SNAP91: variants seen among roughly 807,000 people sequenced by gnomAD.
SNAP91 encodes synaptosome associated protein 91.
SNAP91 carries 27 observed loss-of-function variants against 100.3 expected under a neutral mutation model. The ratio of observed to expected loss-of-function variants is 0.27; its 90% CI spans 0.20 to 0.37. The LOEUF (loss-of-function observed/expected upper bound fraction) is 0.37. Ranked by LOEUF, SNAP91 falls within the 10% of genes least tolerant of loss-of-function variation. SNAP91 has a pLI of 1.00. For missense variants in SNAP91, 986 were observed against 1,123.7 expected, an observed-to-expected ratio of 0.88 and a Z score of 1.75; for synonymous variants, 404 against 398.6, an observed-to-expected ratio of 1.01 and a Z score of -0.16.
intron 26 of SNAP91, among the ~76,000 whole-genome samples, chr6:83,563,727 C>A (rs1343474271): frequency 1.3e-5 from 2 of 151,958 alleles, no homozygotes; most frequent in African/African-American, 4.8e-5. Flanking sequence ...AATGAATAAT[C>A]GAAAAATTTA....
intron 22 of SNAP91, among the ~76,000 whole-genome samples, chr6:83,588,861 G>T (rs892207620): frequency 6.6e-6 from 1 of 152,102 alleles, no homozygotes; most frequent in Admixed American, 6.5e-5. Context: ...TAGACAATGT[G>T]GCTGTGTAGC....
chr6:83,690,817 T>G (rs1159656511), intron 2 of SNAP91, among the ~76,000 whole-genome samples: 1 of 152,086 alleles, frequency 6.6e-6, no homozygotes, highest in Non-Finnish European at 1.5e-5. Flanking sequence ...GAAAGGCATA[T>G]TTTTAAGGAC....
chr6:83,703,374 T>C (rs578196129), intron 2 of SNAP91, among the ~76,000 whole-genome samples: 2 of 152,246 alleles, frequency 1.3e-5, no homozygotes, highest in Admixed American at 6.5e-5. Context: ...CAAATATAAA[T>C]ATATGGTGTC....
At chr6:83,568,233 A>G (rs1380685380) in intron 26 of SNAP91, among the ~76,000 whole-genome samples, 2 of 152,126 alleles carry the variant, frequency 1.3e-5, no homozygotes, top group African/African-American at 4.8e-5. Context: ...TTCTCAGCAA[A>G]CTGTCACAAG....
chr6:83,601,820 T>C (rs2095259106), intron 14 of SNAP91, among the ~76,000 whole-genome samples: 1 of 152,232 alleles, frequency 6.6e-6, no homozygotes, highest in African/African-American at 2.4e-5. Flanking sequence ...GTTTCACCTT[T>C]AGACATGTAC....
At chr6:83,611,778 G>A (rs1184613169) in intron 11 of SNAP91, among the ~76,000 whole-genome samples, 2 of 150,640 alleles carry the variant, frequency 1.3e-5, no homozygotes, top group African/African-American at 4.9e-5. Flanking sequence ...CTCACTGCAA[G>A]CTCCGCCTCC....
intron 13 of SNAP91, 148 bp downstream of exon 13, chr6:83,607,551 G>A: frequency 2.1e-6 from 1 of 477,334 alleles, no homozygotes; most frequent in Non-Finnish European, 3.7e-6. Context: ...AGGCACAGGA[G>A]TAAAACAATG....
chr6:83,657,604 C>T (rs1427009190), intron 6 of SNAP91, among the ~76,000 whole-genome samples: 4 of 152,128 alleles, frequency 2.6e-5, no homozygotes, highest in African/African-American at 9.7e-5. Context: ...GTGATTAGCA[C>T]CTAATTATAG....
At chr6:83,661,881 G>C (rs779883701) in intron 4 of SNAP91, among the ~76,000 whole-genome samples, 1 of 152,090 alleles carries the variant, frequency 6.6e-6, no homozygotes, top group African/African-American at 2.4e-5. Context: ...ATAATGGCCA[G>C]TTTCAGACTT....
intron 22 of SNAP91, among the ~76,000 whole-genome samples, chr6:83,587,056 T>C (rs549514853): frequency 7.3e-4 from 111 of 152,314 alleles, no homozygotes; most frequent in African/African-American, 2.6e-3. Context: ...GTTTTTATGA[T>C]AGATAGGTTC....
chr6:83,630,866 C>T (rs529485293), intron 8 of SNAP91, among the ~76,000 whole-genome samples: 3 of 150,944 alleles, frequency 2.0e-5, no homozygotes, highest in African/African-American at 4.8e-5. Context: ...TTGGTTATTT[C>T]CTTTCTTCTG....
intron 3 of SNAP91, among the ~76,000 whole-genome samples, chr6:83,663,248 T>C (rs2098598585): frequency 6.6e-6 from 1 of 152,072 alleles, no homozygotes; most frequent in African/African-American, 2.4e-5. Flanking sequence ...CAATGACCTC[T>C]AGATATTCAA....
At chr6:83,708,100 G>T in intron 1 of SNAP91, 143 bp from the exon 2 acceptor site, 1 of 666,612 alleles carries the variant, frequency 1.5e-6, no homozygotes, top group Non-Finnish European at 2.3e-6. Flanking sequence ...CCAGCAACGC[G>T]CCAAGCCCCG....
At chr6:83,619,956 C>G (rs1280197302) in intron 9 of SNAP91, among the ~76,000 whole-genome samples, 1 of 152,074 alleles carries the variant, frequency 6.6e-6, no homozygotes, top group Non-Finnish European at 1.5e-5. Context: ...TTTGAAAGTG[C>G]TGAGGAGAAA....
intron 26 of SNAP91, among the ~76,000 whole-genome samples, chr6:83,570,892 C>T (rs1424508836): frequency 2.0e-5 from 3 of 152,038 alleles, no homozygotes; most frequent in Admixed American, 1.3e-4. Flanking sequence ...GGATGGGGGC[C>T]CCCACACAGA....
At chr6:83,611,797 C>T (rs1219070667) in intron 11 of SNAP91, among the ~76,000 whole-genome samples, 5 of 150,930 alleles carry the variant, frequency 3.3e-5, no homozygotes, top group African/African-American at 7.3e-5. Context: ...CCCGGGTTCA[C>T]GCCATTCTCC....
chr6:83,641,825 C>T (rs531381457), intron 7 of SNAP91, among the ~76,000 whole-genome samples: 4 of 152,160 alleles, frequency 2.6e-5, no homozygotes, highest in South Asian at 2.1e-4. Context: ...TCTTTCTCAA[C>T]CTTTAGCTTT....
intron 16 of SNAP91, among the ~76,000 whole-genome samples, chr6:83,599,892 C>T (rs892055141): frequency 3.9e-5 from 6 of 152,082 alleles, no homozygotes; most frequent in African/African-American, 1.4e-4. Flanking sequence ...TCAAGCAATC[C>T]TCCTGCCTCA....
intron 12 of SNAP91, among the ~76,000 whole-genome samples, chr6:83,608,208 C>T (rs1409787943): frequency 6.6e-6 from 1 of 151,922 alleles, no homozygotes; most frequent in Non-Finnish European, 1.5e-5. Context: ...TCTTGTCATC[C>T]TAAAAAGATT....
Sources: allele counts gnomAD v4.1 joint callset (sites outside exome capture counted in the v4.1 genomes callset), GRCh38; gene constraint gnomAD v4.1.1; transcripts MANE v1.5; gene names NCBI Gene and HGNC (gene_info 2026-07-23, HGNC 2026-07-21).